SNRNP40: variants seen among roughly 807,000 people sequenced by gnomAD.
SNRNP40 encodes the protein small nuclear ribonucleoprotein U5 subunit 40, also known as U5 small nuclear ribonucleoprotein 40 kDa protein.
A neutral mutation model predicts 45.8 loss-of-function variants in SNRNP40; 21 were observed. That is an observed-to-expected ratio of 0.46 (90% confidence interval 0.32 to 0.66). SNRNP40 has a LOEUF of 0.66. Among genes scored for constraint, SNRNP40 ranks in the 30% least tolerant of loss-of-function variants. The probability of loss-of-function intolerance (pLI) is 0.03; values close to 1 mark genes in which losing one functional copy is unlikely to be tolerated. For missense variants in SNRNP40, 344 were observed against 439.1 expected (o/e 0.78, Z 1.94); for synonymous variants, 142 against 163.8 (o/e 0.87, Z 1.01).
chr1:31,289,229 T>C, intron 4 of SNRNP40, 25 bp downstream of exon 4: 1 of 1,609,592 alleles, frequency 6.2e-7, no homozygotes, highest in African/African-American at 1.3e-5. Context: ...CCTCAGAAAC[T>C]GGAACACGGA....
chr1:31,262,460 G>A (rs149520056), intron 8 of SNRNP40, among the ~76,000 whole-genome samples: 1,952 of 143,922 alleles, frequency 0.014, 42 homozygotes, highest in African/African-American at 0.047. Flanking sequence ...GGTGGAGGTT[G>A]CAGTGAGCTG....
At chr1:31,290,077 G>T (rs1306886465) in intron 3 of SNRNP40, among the ~76,000 whole-genome samples, 1 of 152,164 alleles carries the variant, frequency 6.6e-6, no homozygotes, top group Admixed American at 6.5e-5. Context: ...GCCCAGGCTG[G>T]TCTTGAACTG....
At chr1:31,286,660 C>A (rs1003762817) in intron 4 of SNRNP40, among the ~76,000 whole-genome samples, 14 of 152,184 alleles carry the variant, frequency 9.2e-5, no homozygotes, top group African/African-American at 3.4e-4. Flanking sequence ...GACCCTTTCA[C>A]CCCATTAGGG....
At chr1:31,290,721 CA>C (rs1431400590) in intron 3 of SNRNP40, among the ~76,000 whole-genome samples, 2 of 151,450 alleles carry the variant, frequency 1.3e-5, no homozygotes, top group Non-Finnish European at 2.9e-5. Flanking sequence ...ATTAAAAATA[CA>C]AAAAAATTAG....
At chr1:31,282,714 C>T (rs1250687461) in intron 4 of SNRNP40, among the ~76,000 whole-genome samples, 1 of 152,046 alleles carries the variant, frequency 6.6e-6, no homozygotes, top group Admixed American at 6.6e-5. Flanking sequence ...CTCCCTCTGT[C>T]ACCCAGGCCG....
At chr1:31,279,545 C>G (rs540219147) in intron 5 of SNRNP40, among the ~76,000 whole-genome samples, 5 of 151,832 alleles carry the variant, frequency 3.3e-5, no homozygotes, top group Non-Finnish European at 7.4e-5. Context: ...GTCAGGAGTT[C>G]GAGACCAGCC....
At chr1:31,283,534 T>G (rs1454839414) in intron 4 of SNRNP40, among the ~76,000 whole-genome samples, 1 of 151,966 alleles carries the variant, frequency 6.6e-6, no homozygotes, top group Non-Finnish European at 1.5e-5. Context: ...ACCCGGGGAG[T>G]GGAGGTTGCA....
intron 8 of SNRNP40, among the ~76,000 whole-genome samples, chr1:31,267,233 G>T (rs150127546): frequency 3.0e-4 from 46 of 152,290 alleles, no homozygotes; most frequent in African/African-American, 1.1e-3. Context: ...TATTTAATAT[G>T]TGTTCAAATG....
At chr1:31,289,726 A>G in intron 3 of SNRNP40, among the ~76,000 whole-genome samples, 1 of 152,172 alleles carries the variant, frequency 6.6e-6, no homozygotes. Context: ...TAACATTTTA[A>G]ACATAAGACA....
chr1:31,269,602 C>T, intron 6 of SNRNP40: 2 of 398,240 alleles, frequency 5.0e-6, no homozygotes, highest in East Asian at 3.8e-5. Flanking sequence ...AAACTAAATA[C>T]CAGGAACTAC....
chr1:31,291,638 C>T (rs1190726865), intron 3 of SNRNP40, among the ~76,000 whole-genome samples: 1 of 152,042 alleles, frequency 6.6e-6, no homozygotes, highest in African/African-American at 2.4e-5. Context: ...GTTTGTGTCA[C>T]TGCACTCCAG....
At chr1:31,279,014 C>T (rs1264812537) in intron 5 of SNRNP40, among the ~76,000 whole-genome samples, 1 of 150,088 alleles carries the variant, frequency 6.7e-6, no homozygotes, top group East Asian at 2.0e-4. Flanking sequence ...TGGTACAGAG[C>T]GATTATGTTA....
At chr1:31,275,118 A>G (rs1645966037) in intron 5 of SNRNP40, among the ~76,000 whole-genome samples, 1 of 152,172 alleles carries the variant, frequency 6.6e-6, no homozygotes, top group Admixed American at 6.5e-5. Context: ...CTCTAGAGAT[A>G]GAGCTCTGGT....
In SNRNP40 at chr1:31,291,951, A is replaced by G; in HGVS notation, c.327T>C (p.Ser109=). 1 of 1,613,512 alleles carries G rather than the reference A, an allele frequency of 6.2e-7. No homozygotes were observed. The highest frequency in any genetic ancestry group is 8.5e-7 in the Non-Finnish European group (1 of 1,179,438). ...CDNYATLKGH[S]GAVMELHYNT... Reference sequence around the variant, plus strand: ...TGTAATGCAATTCCATCACTGCTCCACTGTGTCCCTTCAGTGTGGCATAGT... The same window carrying G: ...TGTAATGCAATTCCATCACTGCTCCGCTGTGTCCCTTCAGTGTGGCATAGT... The change falls in exon 3 of 10, where the codon AGT becomes AGC. Residue 109 remains serine (S), a synonymous_variant. Transcript: ENST00000263694.
chr1:31,285,842 A>AT (rs564999174), intron 4 of SNRNP40, among the ~76,000 whole-genome samples: 135 of 152,300 alleles, frequency 8.9e-4, no homozygotes, highest in African/African-American at 3.2e-3. Flanking sequence ...TCTTGATTAG[A>AT]TTTAAGTTAT....
At chr1:31,282,967 C>T (rs1294862436) in intron 4 of SNRNP40, among the ~76,000 whole-genome samples, 2 of 152,132 alleles carry the variant, frequency 1.3e-5, no homozygotes, top group African/African-American at 4.8e-5. Flanking sequence ...TGAGCCACCA[C>T]GCCTGGCCCA....
At chr1:31,267,818 C>T (rs1055130261) in intron 8 of SNRNP40, 53 bp downstream of exon 8, 1 of 1,396,188 alleles carries the variant, frequency 7.2e-7, no homozygotes, top group Non-Finnish European at 1.0e-6. Flanking sequence ...AGGCACGAGC[C>T]ACCGCATCCG....
Position 31,274,831 on chromosome 1 carries a change from C to T in SNRNP40, c.655-3332G>A, listed in dbSNP as rs532810811. Among the ~76,000 whole-genome samples, 23 of 152,264 alleles carry T rather than the reference C, an allele frequency of 1.5e-4. 1 individual carries two copies. In the South Asian group the frequency reaches 4.8e-3, roughly 32 times the overall value. On this transcript the variant is annotated intron_variant, in intron 5 of 9. Coordinates refer to ENST00000263694, the MANE Select transcript of SNRNP40 (RefSeq NM_004814.3). ...AGTTCCAAGAGATTGGTGGGAACAG[C>T]ATTATCTGCTCACAAATATACACAG...
At chr1:31,275,150 G>C (rs934361638) in intron 5 of SNRNP40, among the ~76,000 whole-genome samples, 3 of 152,180 alleles carry the variant, frequency 2.0e-5, no homozygotes, top group African/African-American at 2.4e-5. Flanking sequence ...CACTGACTGA[G>C]TGATGACTAT....
Sources: allele counts gnomAD v4.1 joint callset (sites outside exome capture counted in the v4.1 genomes callset), GRCh38; gene constraint gnomAD v4.1.1; transcripts MANE v1.5; gene names NCBI Gene and HGNC (gene_info 2026-07-23, HGNC 2026-07-21).